Variants in TRAPPC9 observed in about 807,000 individuals in gnomAD.
TRAPPC9 encodes trafficking protein particle complex subunit 9.
A neutral mutation model predicts 124.0 loss-of-function variants in TRAPPC9; 83 were observed. The observed-to-expected ratio is 0.67, with a 90% CI of 0.56 to 0.80. TRAPPC9 has a LOEUF of 0.80. Ranked by LOEUF, TRAPPC9 falls within the 30% of genes least tolerant of loss-of-function variation. TRAPPC9 has a pLI of 0.00. For missense variants in TRAPPC9, 1,302 were observed against 1,508.3 expected (o/e 0.86, Z 2.27); for synonymous variants, 638 against 617.5 (o/e 1.03, Z -0.49).
chr8:139,921,054 G>A (rs1356699478), intron 19 of TRAPPC9, among the ~76,000 whole-genome samples: 3 of 152,222 alleles, frequency 2.0e-5, no homozygotes, highest in Non-Finnish European at 2.9e-5. Context: ...CCAAGCAAGC[G>A]GGACCTTGGC....
At chr8:139,905,688 G>A (rs1477403811) in intron 20 of TRAPPC9, among the ~76,000 whole-genome samples, 3 of 152,196 alleles carry the variant, frequency 2.0e-5, no homozygotes, top group Non-Finnish European at 2.9e-5. Flanking sequence ...GGCAGGTAGT[G>A]AGGAAAGCTT....
intron 21 of TRAPPC9, among the ~76,000 whole-genome samples, chr8:139,818,211 C>A (rs1824991339): frequency 6.6e-6 from 1 of 152,008 alleles, no homozygotes; most frequent in Non-Finnish European, 1.5e-5. Flanking sequence ...GGTGCTGGGC[C>A]CTGTGCAGTG....
intron 17 of TRAPPC9, among the ~76,000 whole-genome samples, chr8:140,148,375 A>G (rs2061493070): frequency 6.6e-6 from 1 of 152,198 alleles, no homozygotes; most frequent in Non-Finnish European, 1.5e-5. Flanking sequence ...TAGCTTAGTT[A>G]CACTAAACTC....
intron 17 of TRAPPC9, among the ~76,000 whole-genome samples, chr8:140,114,376 C>T (rs1031695675): frequency 2.1e-5 from 3 of 142,416 alleles, no homozygotes; most frequent in African/African-American, 7.8e-5. Flanking sequence ...ATATTCCTAA[C>T]AGCAACTGCT....
chr8:140,409,371 G>A (rs999629039), intron 5 of TRAPPC9, among the ~76,000 whole-genome samples: 1 of 151,986 alleles, frequency 6.6e-6, no homozygotes, highest in African/African-American at 2.4e-5. Flanking sequence ...CGAATGATGC[G>A]GCCTTTATGA....
intron 21 of TRAPPC9, among the ~76,000 whole-genome samples, chr8:139,762,766 C>T (rs1820326444): frequency 1.3e-5 from 2 of 152,130 alleles, no homozygotes; most frequent in Admixed American, 6.5e-5. Flanking sequence ...GCGGAGGGCA[C>T]CTGGGAAGGG....
intron 19 of TRAPPC9, among the ~76,000 whole-genome samples, chr8:139,944,397 T>G (rs1834085185): frequency 6.6e-6 from 1 of 152,228 alleles, no homozygotes; most frequent in Non-Finnish European, 1.5e-5. Flanking sequence ...TTGTGTGATT[T>G]ATAATGTACA....
At chr8:140,270,997 C>T (rs1004707552) in intron 15 of TRAPPC9, among the ~76,000 whole-genome samples, 12 of 152,124 alleles carry the variant, frequency 7.9e-5, no homozygotes, top group South Asian at 2.1e-4. Context: ...AATGGGCACA[C>T]GATTACCACA....
chr8:140,151,468 T>C (rs905601346), intron 17 of TRAPPC9, among the ~76,000 whole-genome samples: 1 of 152,190 alleles, frequency 6.6e-6, no homozygotes, highest in Non-Finnish European at 1.5e-5. Flanking sequence ...ATCGGCAGGA[T>C]TGGCTCCTCA....
chr8:139,895,460 CAAAT>C (rs925840062), intron 20 of TRAPPC9, among the ~76,000 whole-genome samples: 9 of 152,014 alleles, frequency 5.9e-5, no homozygotes, highest in African/African-American at 2.2e-4. Flanking sequence ...CTATAAGAAA[CAAAT>C]AAAAGTGGGT....
chr8:140,117,624 T>C (rs2060912432), intron 17 of TRAPPC9, among the ~76,000 whole-genome samples: 1 of 152,200 alleles, frequency 6.6e-6, no homozygotes, highest in South Asian at 2.1e-4. Context: ...TCTCTTAACA[T>C]TATTATACTG....
intron 20 of TRAPPC9, among the ~76,000 whole-genome samples, chr8:139,890,154 G>T (rs1830245117): frequency 6.6e-6 from 1 of 152,246 alleles, no homozygotes; most frequent in Non-Finnish European, 1.5e-5. Context: ...CTCCCTCAAC[G>T]AGCCAGCACA....
chr8:140,249,163 TC>T (rs1325092393), intron 16 of TRAPPC9, among the ~76,000 whole-genome samples: 2 of 142,720 alleles, frequency 1.4e-5, no homozygotes, highest in African/African-American at 2.8e-5. Context: ...AACTGGTTTT[TC>T]CCTCCCTGAC....
At chr8:140,140,055 C>T (rs1460161590) in intron 17 of TRAPPC9, among the ~76,000 whole-genome samples, 2 of 152,122 alleles carry the variant, frequency 1.3e-5, no homozygotes, top group Non-Finnish European at 2.9e-5. Flanking sequence ...CAACGGGGTG[C>T]TTGTGTGCAG....
chr8:139,834,013 C>T (rs1414074044), intron 21 of TRAPPC9, among the ~76,000 whole-genome samples: 1 of 152,166 alleles, frequency 6.6e-6, no homozygotes, highest in African/African-American at 2.4e-5. Context: ...CCCCTACCAG[C>T]CACGTGGCTT....
intron 21 of TRAPPC9, among the ~76,000 whole-genome samples, chr8:139,839,914 T>C (rs1334450708): frequency 1.3e-5 from 2 of 152,222 alleles, no homozygotes; most frequent in Admixed American, 6.5e-5. Flanking sequence ...GTTTTCTACG[T>C]TGTAGCCAAC....
intron 17 of TRAPPC9, among the ~76,000 whole-genome samples, chr8:140,078,616 C>T (rs1236141826): frequency 1.3e-5 from 2 of 152,070 alleles, no homozygotes; most frequent in African/African-American, 2.4e-5. Flanking sequence ...ATCACAAGGA[C>T]AAAGAGGGGT....
At chr8:140,313,393 G>C (rs192728825) in intron 9 of TRAPPC9, among the ~76,000 whole-genome samples, 23 of 152,330 alleles carry the variant, frequency 1.5e-4, no homozygotes, top group African/African-American at 5.3e-4. Flanking sequence ...AGGCACCACA[G>C]TGTATCACTC....
Position 140,261,342 on chromosome 8 carries a change from C to G in TRAPPC9, c.2279-8413G>C, listed in dbSNP as rs915811961. Among the ~76,000 whole-genome samples the G allele has an allele frequency of 4.6e-5, 7 of 152,302 alleles. No individual in the cohort carries two copies. In the South Asian group the frequency reaches 1.5e-3, roughly 32 times the overall value. ...GACAGAGATAAAGAAGATGTAGCCCCTGCCCTCTGGGGAGGTTGTCTCTGA... is the reference window on the plus strand; with the variant it reads ...GACAGAGATAAAGAAGATGTAGCCCGTGCCCTCTGGGGAGGTTGTCTCTGA... On this transcript the variant is annotated intron_variant, in intron 15 of 22. Transcript: ENST00000438773.
Sources: gnomAD v4.1 joint callset for allele counts (sites outside exome capture counted in the v4.1 genomes callset) on GRCh38, gnomAD v4.1.1 for gene constraint, MANE v1.5 for transcripts, NCBI Gene and HGNC (gene_info 2026-07-23, HGNC 2026-07-21) for gene names.